Variants in PIAS1 observed in about 807,000 individuals in gnomAD.
PIAS1 encodes E3 SUMO-protein ligase PIAS1.
PIAS1 carries 6 observed loss-of-function variants against 71.3 expected under a neutral mutation model. The ratio of observed to expected loss-of-function variants is 0.08; its 90% CI spans 0.05 to 0.17. The LOEUF (loss-of-function observed/expected upper bound fraction) is 0.17, where lower values mean the gene tolerates loss of function less well. Among genes scored for constraint, PIAS1 ranks in the 10% least tolerant of loss-of-function variants. The pLI is 1.00. For synonymous variants in PIAS1, 303 were observed against 292.9 expected (o/e 1.03, Z -0.35); for missense variants, 555 against 793.6 (o/e 0.70, Z 3.61).
At chr15:68,077,621 A>G (rs1358058711) in intron 1 of PIAS1, among the ~76,000 whole-genome samples, 1 of 152,212 alleles carries the variant, frequency 6.6e-6, no homozygotes, top group Non-Finnish European at 1.5e-5. Flanking sequence ...GTAAAACTTC[A>G]TATATTAGAT....
intron 2 of PIAS1, among the ~76,000 whole-genome samples, chr15:68,136,866 T>C (rs936470155): frequency 6.6e-6 from 1 of 152,218 alleles, no homozygotes; most frequent in African/African-American, 2.4e-5. Flanking sequence ...TTTAATATTC[T>C]TGTATATGAA....
chr15:68,074,113 C>T (rs1175701283), intron 1 of PIAS1, among the ~76,000 whole-genome samples: 1 of 151,988 alleles, frequency 6.6e-6, no homozygotes, highest in East Asian at 1.9e-4. Context: ...AGGTGTTTAG[C>T]AGATGTGGAT....
intron 2 of PIAS1, among the ~76,000 whole-genome samples, chr15:68,105,016 A>C (rs1274128498): frequency 6.6e-6 from 1 of 152,164 alleles, no homozygotes; most frequent in African/African-American, 2.4e-5. Context: ...CAATCATTCA[A>C]CTCAGGGTAG....
At chr15:68,076,523 A>C (rs76527435) in intron 1 of PIAS1, among the ~76,000 whole-genome samples, 3,172 of 152,200 alleles carry the variant, frequency 0.021, 111 homozygotes, top group African/African-American at 0.072. Flanking sequence ...ACAACAACAA[A>C]AAAGATTGGG....
At chr15:68,119,828 C>T (rs2092598526) in intron 2 of PIAS1, among the ~76,000 whole-genome samples, 1 of 152,142 alleles carries the variant, frequency 6.6e-6, no homozygotes, top group South Asian at 2.1e-4. Flanking sequence ...TCAGTTTTTG[C>T]TTCATGTATT....
chr15:68,091,847 G>A (rs1424926452), intron 2 of PIAS1, among the ~76,000 whole-genome samples: 1 of 152,200 alleles, frequency 6.6e-6, no homozygotes, highest in East Asian at 1.9e-4. Flanking sequence ...GTACTGAAGT[G>A]AAAAACAGAA....
intron 2 of PIAS1, among the ~76,000 whole-genome samples, chr15:68,093,694 A>G (rs1476795987): frequency 6.6e-6 from 1 of 152,150 alleles, no homozygotes; most frequent in Non-Finnish European, 1.5e-5. Context: ...TAATGGGGGG[A>G]AGGATTGGGA....
intron 11 of PIAS1, among the ~76,000 whole-genome samples, chr15:68,177,082 C>T (rs1286841446): frequency 1.3e-5 from 2 of 151,896 alleles, no homozygotes; most frequent in Non-Finnish European, 2.9e-5. Flanking sequence ...GAGTTTGAGA[C>T]CAGCCTGGGC....
chr15:68,149,891 A>G (rs770682979), intron 6 of PIAS1, among the ~76,000 whole-genome samples: 5 of 152,150 alleles, frequency 3.3e-5, no homozygotes, highest in African/African-American at 9.7e-5. Context: ...ACTAGTGGAC[A>G]TATTTGACTT....
Position 68,176,661 on chromosome 15 carries a change from G to C in PIAS1, c.1481+7G>C. On this transcript the variant is annotated splice_region_variant and intron_variant, in intron 11 of 13. Coordinates refer to ENST00000249636, the MANE Select transcript of PIAS1 (RefSeq NM_016166.3). ...CACCACTAAATAATAAAGGGTAAGT[G>C]CTGAGACATTTAAAAAAAAAAGTAA... is the stretch of plus-strand genomic sequence containing the variant. 1 of 1,521,204 alleles carries C rather than the reference G, an allele frequency of 6.6e-7. No individual in the cohort carries two copies. The highest frequency in any genetic ancestry group is 8.8e-7 in the Non-Finnish European group (1 of 1,135,322). 94.2% of individuals were successfully genotyped at this position (1,521,204 alleles called of 1,614,324 possible). A position where few individuals can be genotyped will look rare whatever the true frequency, so the allele number is the denominator to read the frequency against.
intron 2 of PIAS1, among the ~76,000 whole-genome samples, chr15:68,105,445 C>G (rs1344146771): frequency 6.6e-6 from 1 of 151,744 alleles, no homozygotes; most frequent in Non-Finnish European, 1.5e-5. Flanking sequence ...TCATATTTCT[C>G]ACTTTCCCAC....
chr15:68,112,413 C>A (rs1379011792), intron 2 of PIAS1, among the ~76,000 whole-genome samples: 1 of 152,118 alleles, frequency 6.6e-6, no homozygotes, highest in Non-Finnish European at 1.5e-5. Flanking sequence ...TCTTTGATTT[C>A]TTTCCTCCTT....
chr15:68,125,102 A>G (rs181489403), intron 2 of PIAS1, among the ~76,000 whole-genome samples: 2 of 151,866 alleles, frequency 1.3e-5, no homozygotes, highest in Non-Finnish European at 2.9e-5. Context: ...GTAGTGAACT[A>G]TTTTTCATTT....
chr15:68,183,884 G>A (rs1024121107), intron 13 of PIAS1: 4 of 385,400 alleles, frequency 1.0e-5, no homozygotes, highest in African/African-American at 6.3e-5. Flanking sequence ...AACCTATGCT[G>A]TCAGTCATGT....
At chr15:68,120,575 C>T (rs1159163052) in intron 2 of PIAS1, among the ~76,000 whole-genome samples, 1 of 152,086 alleles carries the variant, frequency 6.6e-6, no homozygotes, top group Non-Finnish European at 1.5e-5. Context: ...GACATTTTAC[C>T]ACTTTACAAC....
In PIAS1 at chr15:68,105,893, T is replaced by C. The variant is rs552468761; in HGVS notation, c.469+19143T>C. Among the ~76,000 whole-genome samples, 7 of 152,308 alleles carry C rather than the reference T, an allele frequency of 4.6e-5. No individual in the cohort carries two copies. In the East Asian group the frequency reaches 1.2e-3, roughly 25 times the overall value. ...TGATAGTGGCTTGTTACATCTCTTA[T>C]AGCCCCACATAGGTTAGATTTTTCA... On this transcript the variant is annotated intron_variant, in intron 2 of 13. Transcript: ENST00000249636.
Position 68,145,767 on chromosome 15 carries a change from T to G in PIAS1, c.603-49T>G, listed in dbSNP as rs745323464. On this transcript the variant is annotated intron_variant, in intron 4 of 13. Transcript: ENST00000249636. The stretch of plus-strand genomic sequence containing the variant: ...TTTATCTATTTAACAATAATACTAA[T>G]GAAGTCATCCTTTAATAAAGGAAAT... The G allele has an allele frequency of 2.9e-6, 3 of 1,020,944 alleles. No homozygotes were observed. In the South Asian group the frequency reaches 3.9e-5, roughly 13 times the overall value. The allele number at this position is 1,020,944 out of a possible 1,614,324, so 63.2% of individuals were successfully genotyped here.
rs749806458 is a variant in PIAS1, at chr15:68,190,746, T to C, written c.*2911T>C. On this transcript the variant is annotated 3_prime_UTR_variant, in exon 14 of 14. Coordinates refer to ENST00000249636, the MANE Select transcript of PIAS1 (RefSeq NM_016166.3). The surrounding 1 kb of genome is among the most constrained non-coding windows in gnomAD (Gnocchi z 4.7). ...GCTTTTAATTACTTCGTGAGTGTTATTGGATACATCTTAAAAAAAAAAAAT... is the reference window on the plus strand; with the variant it reads ...GCTTTTAATTACTTCGTGAGTGTTACTGGATACATCTTAAAAAAAAAAAAT... The C allele has an allele frequency of 2.0e-5, 3 of 152,104 alleles. No homozygotes were observed. Among genetic ancestry groups the C allele is most frequent in the Non-Finnish European group, 4.4e-5 (3 of 68,030 alleles). 9.4% of individuals were successfully genotyped at this position (152,104 alleles called of 1,614,324 possible).
intron 1 of PIAS1, among the ~76,000 whole-genome samples, chr15:68,084,018 G>A (rs1213589867): frequency 6.6e-6 from 1 of 152,090 alleles, no homozygotes; most frequent in African/African-American, 2.4e-5. Flanking sequence ...TTATTGTTGT[G>A]TCATAAACTT....
Sources: gnomAD v4.1 joint callset for allele counts (sites outside exome capture counted in the v4.1 genomes callset) on GRCh38, gnomAD v4.1.1 for gene constraint, Gnocchi (gnomAD v3.1) non-coding constraint, MANE v1.5 for transcripts, NCBI Gene and HGNC (gene_info 2026-07-23, HGNC 2026-07-21) for gene names.